Variants in FGF12 observed in about 807,000 individuals in gnomAD.
The protein encoded by FGF12 is fibroblast growth factor 12B.
FGF12 carries 14 observed loss-of-function variants against 23.6 expected under a neutral mutation model. The ratio of observed to expected loss-of-function variants is 0.59; its 90% confidence interval spans 0.39 to 0.93. The LOEUF is 0.93. Among genes scored for constraint, FGF12 ranks in the 40% least tolerant of loss-of-function variants. FGF12 has a pLI of 0.00. For synonymous variants in FGF12, 62 were observed against 77.3 expected (o/e 0.80, Z 1.04); for missense variants, 175 against 217.8 (o/e 0.80, Z 1.24).
rs142202009 is a variant in FGF12 at position 192,505,795 on chromosome 3, T to G, written c.14-145257A>C. On this transcript the variant is annotated intron_variant, in intron 2 of 5. Transcript: ENST00000445105. ...GAATTATAAATCTGGGAAGGAGATT[T>G]TATTTCTTATCGAGGGTAACAGCCT... Among the ~76,000 whole-genome samples the G allele has an allele frequency of 3.8e-3, 576 of 152,296 alleles. 8 individuals are homozygous for G. Among genetic ancestry groups the G allele is most frequent in the Admixed American group, 0.036 (545 of 15,292 alleles).
intron 2 of FGF12, among the ~76,000 whole-genome samples, chr3:192,620,240 A>ACGCG (rs68096515): frequency 1.4e-5 from 1 of 69,296 alleles, no homozygotes; most frequent in Non-Finnish European, 2.5e-5. Context: ...TTACACACAC[A>ACGCG]CGCGCGCGCG....
chr3:192,178,004 GTT>G, intron 4 of FGF12, among the ~76,000 whole-genome samples: 6 of 152,066 alleles, frequency 3.9e-5, no homozygotes, highest in African/African-American at 1.4e-4. Flanking sequence ...ATTCTCAACA[GTT>G]CTGGGAATTA....
intron 2 of FGF12, among the ~76,000 whole-genome samples, chr3:192,376,368 T>C (rs1050620673): frequency 1.3e-5 from 2 of 151,656 alleles, no homozygotes; most frequent in Non-Finnish European, 2.9e-5. Context: ...TTATTTTTAT[T>C]TTTATTTTTT....
intron 2 of FGF12, among the ~76,000 whole-genome samples, chr3:192,456,380 CA>C (rs1722682461): frequency 1.3e-5 from 2 of 152,140 alleles, no homozygotes; most frequent in East Asian, 3.9e-4. Flanking sequence ...AGCCTGCTGT[CA>C]AGCAGGCTAG....
intron 4 of FGF12, among the ~76,000 whole-genome samples, chr3:192,232,181 T>C (rs996295133): frequency 6.6e-6 from 1 of 152,198 alleles, no homozygotes; most frequent in Non-Finnish European, 1.5e-5. Context: ...GTGAAAGACA[T>C]TTCAATGGGA....
intron 4 of FGF12, among the ~76,000 whole-genome samples, chr3:192,255,639 A>C (rs1408275961): frequency 6.6e-6 from 1 of 152,100 alleles, no homozygotes; most frequent in Non-Finnish European, 1.5e-5. Context: ...TATTATTTGC[A>C]ATCTCTGATT....
chr3:192,344,832 C>T (rs867934210), intron 3 of FGF12, among the ~76,000 whole-genome samples: 12 of 152,190 alleles, frequency 7.9e-5, no homozygotes, highest in African/African-American at 2.6e-4. Flanking sequence ...GTCAATTAAA[C>T]GTGATTATTT....
At chr3:192,214,674 TGAC>T (rs1021529848) in intron 4 of FGF12, among the ~76,000 whole-genome samples, 4 of 152,210 alleles carry the variant, frequency 2.6e-5, no homozygotes, top group African/African-American at 9.6e-5. Flanking sequence ...AATTGGTAAT[TGAC>T]ATGTTAAAAG....
At chr3:192,585,533 C>T (rs1290253678) in intron 2 of FGF12, among the ~76,000 whole-genome samples, 8 of 152,074 alleles carry the variant, frequency 5.3e-5, no homozygotes, top group Admixed American at 5.2e-4. Context: ...AACTTCTAGA[C>T]ACCTAACAAG....
chr3:192,433,354 C>T (rs1360948228), intron 2 of FGF12, among the ~76,000 whole-genome samples: 3 of 152,120 alleles, frequency 2.0e-5, no homozygotes, highest in Non-Finnish European at 4.4e-5. Flanking sequence ...TGGCCTGAAG[C>T]TTATATAACT....
chr3:192,713,111 T>C (rs1392075162), intron 2 of FGF12, among the ~76,000 whole-genome samples: 4 of 152,244 alleles, frequency 2.6e-5, no homozygotes, highest in African/African-American at 7.2e-5. Context: ...AAAGTAATCA[T>C]AGTTTAATTT....
intron 2 of FGF12, among the ~76,000 whole-genome samples, chr3:192,497,151 C>T (rs1723982122): frequency 6.6e-6 from 1 of 152,136 alleles, no homozygotes; most frequent in Non-Finnish European, 1.5e-5. Context: ...CGCCCTCTGC[C>T]GCCTCCACCC....
At chr3:192,147,043 A>G (rs1011388214) in intron 5 of FGF12, among the ~76,000 whole-genome samples, 1 of 152,220 alleles carries the variant, frequency 6.6e-6, no homozygotes, top group African/African-American at 2.4e-5. Context: ...TCACTGATGA[A>G]AACTGCCCCC....
At chr3:192,377,964 T>G (rs1719597258) in intron 2 of FGF12, among the ~76,000 whole-genome samples, 5 of 143,586 alleles carry the variant, frequency 3.5e-5, no homozygotes, top group African/African-American at 1.5e-4. Flanking sequence ...CAGGAAAAAA[T>G]GTCTTTTCTG....
At chr3:192,637,718 GAT>G (rs1161834285) in intron 2 of FGF12, among the ~76,000 whole-genome samples, 8 of 152,190 alleles carry the variant, frequency 5.3e-5, no homozygotes, top group African/African-American at 1.9e-4. Context: ...AAAATCTTCA[GAT>G]AAAAGTGTAA....
intron 4 of FGF12, among the ~76,000 whole-genome samples, chr3:192,321,069 A>G (rs1042068041): frequency 6.6e-6 from 1 of 152,108 alleles, no homozygotes; most frequent in African/African-American, 2.4e-5. Flanking sequence ...AGCCAGACCA[A>G]TGAACAACAA....
At chr3:192,711,489 G>A (rs751305999) in intron 2 of FGF12, among the ~76,000 whole-genome samples, 1 of 152,204 alleles carries the variant, frequency 6.6e-6, no homozygotes, top group Non-Finnish European at 1.5e-5. Context: ...GAAGATGGCG[G>A]TTTTGTCGAA....
intron 2 of FGF12, chr3:192,726,851 C>T (rs1719231874): frequency 8.3e-6 from 3 of 362,128 alleles, no homozygotes; most frequent in African/African-American, 6.1e-5. Context: ...TATTTGAGTC[C>T]ATCCATTATA....
chr3:192,319,394 C>T (rs1414651924), intron 4 of FGF12, among the ~76,000 whole-genome samples: 3 of 152,000 alleles, frequency 2.0e-5, no homozygotes, highest in African/African-American at 7.2e-5. Flanking sequence ...GTCAGGAGTT[C>T]AAGACCATCC....
Sources: allele counts gnomAD v4.1 joint callset (sites outside exome capture counted in the v4.1 genomes callset), GRCh38; gene constraint gnomAD v4.1.1; transcripts MANE v1.5; gene names NCBI Gene and HGNC (gene_info 2026-07-23, HGNC 2026-07-21).